Variants in SLC23A2 observed in about 807,000 individuals in gnomAD.
SLC23A2 encodes the protein Na(+)/L-ascorbic acid transporter 2.
SLC23A2 carries 36 observed loss-of-function variants against 73.3 expected under a neutral mutation model. That is an observed-to-expected ratio of 0.49 (90% confidence interval 0.38 to 0.65). The LOEUF is 0.65. Ranked by LOEUF, SLC23A2 falls within the 30% of genes least tolerant of loss-of-function variation. SLC23A2 has a pLI of 0.00. For synonymous variants in SLC23A2, 343 were observed against 327.3 expected, an observed-to-expected ratio of 1.05 and a Z score of -0.52; for missense variants, 507 against 841.6, an observed-to-expected ratio of 0.60 and a Z score of 4.92.
At chr20:4,964,009 TTA>T (rs1325202872) in intron 2 of SLC23A2, among the ~76,000 whole-genome samples, 2 of 105,636 alleles carry the variant, frequency 1.9e-5, no homozygotes, top group Non-Finnish European at 4.1e-5. Flanking sequence ...TGCCATTAAC[TTA>T]TTTTTTTTTT....
intron 6 of SLC23A2, among the ~76,000 whole-genome samples, chr20:4,894,326 G>A (rs1169664880): frequency 6.6e-6 from 1 of 152,152 alleles, no homozygotes; most frequent in East Asian, 1.9e-4. Flanking sequence ...GGCTTGGAAA[G>A]CACCAAAGCC....
chr20:4,870,301 G>A (rs989567461), intron 11 of SLC23A2, among the ~76,000 whole-genome samples: 7 of 152,166 alleles, frequency 4.6e-5, no homozygotes, highest in African/African-American at 7.2e-5. Context: ...CATCGTAGCC[G>A]GATGCGGTGG....
Position 4,853,443 on chromosome 20 carries a change from A to G in SLC23A2, c.*3529T>C, listed in dbSNP as rs1929597756. 2 of 152,666 alleles carry G rather than the reference A, an allele frequency of 1.3e-5. No individual in the cohort carries two copies. Among genetic ancestry groups the G allele is most frequent in the East Asian group, 3.8e-4 (2 of 5,206 alleles). 9.5% of individuals were successfully genotyped at this position (152,666 alleles called of 1,614,324 possible). Reference sequence around the variant, plus strand: ...GTACCAATATTTCAGCAGGGATATGAATGAAAGAAATAACAACTTAGCTCA... The same window carrying G: ...GTACCAATATTTCAGCAGGGATATGGATGAAAGAAATAACAACTTAGCTCA... On this transcript the variant is annotated 3_prime_UTR_variant, in exon 17 of 17. Coordinates refer to ENST00000338244, the MANE Select transcript of SLC23A2 (RefSeq NM_005116.6).
intron 1 of SLC23A2, among the ~76,000 whole-genome samples, chr20:4,999,221 G>A (rs1291874120): frequency 5.3e-5 from 8 of 152,126 alleles, no homozygotes; most frequent in Admixed American, 5.2e-4. Context: ...ACACTGAAGA[G>A]GACAACAATA....
chr20:4,864,908 A>G (rs6116558), intron 13 of SLC23A2, among the ~76,000 whole-genome samples: 28,060 of 152,194 alleles, frequency 0.18, 3,601 homozygotes, highest in African/African-American at 0.37. Context: ...GGATACCTGA[A>G]ACTAAATCTG....
In SLC23A2 at chr20:4,872,257, G is replaced by A. The variant is rs1342362873; in HGVS notation, c.1102+1679C>T. Among the ~76,000 whole-genome samples, 1 of 152,128 alleles carries A rather than the reference G, an allele frequency of 6.6e-6. No individual in the cohort carries two copies. The highest frequency in any genetic ancestry group is 6.5e-5 in the Admixed American group (1 of 15,282). ...CCTCTCTGGCTTGAGACAAAGCACT[G>A]GAGAGTACTACATATGTATACAGTA... On this transcript the variant is annotated intron_variant, in intron 11 of 16. Transcript: ENST00000338244. This position sits in a 1 kb window ranked among gnomAD's most constrained non-coding sequence, Gnocchi z 4.4.
At chr20:4,905,722 T>G (rs1931923890) in intron 4 of SLC23A2, among the ~76,000 whole-genome samples, 1 of 152,220 alleles carries the variant, frequency 6.6e-6, no homozygotes, top group South Asian at 2.1e-4. Flanking sequence ...AGGAAATCAT[T>G]TCTTCTGCAG....
intron 16 of SLC23A2, among the ~76,000 whole-genome samples, chr20:4,858,391 T>C (rs541924168): frequency 1.3e-5 from 2 of 152,314 alleles, no homozygotes; most frequent in South Asian, 4.1e-4. Flanking sequence ...AGCCTGACTG[T>C]TGCATCCCTC....
chr20:4,971,273 C>T (rs114776261), intron 1 of SLC23A2, among the ~76,000 whole-genome samples: 1,831 of 151,210 alleles, frequency 0.012, 33 homozygotes, highest in East Asian at 0.049. Flanking sequence ...TCGAGACCAG[C>T]CTGAGCAATA....
At chr20:4,875,616 C>T (rs534567559) in intron 9 of SLC23A2, among the ~76,000 whole-genome samples, 10 of 152,164 alleles carry the variant, frequency 6.6e-5, no homozygotes, top group Non-Finnish European at 1.3e-4. Flanking sequence ...AGGTGCTGAC[C>T]CCTCCACGGC....
At chr20:4,866,129 A>G (rs1411158373) in intron 13 of SLC23A2, among the ~76,000 whole-genome samples, 1 of 152,176 alleles carries the variant, frequency 6.6e-6, no homozygotes, top group Non-Finnish European at 1.5e-5. Flanking sequence ...CACCGTACCC[A>G]GCCAATATCC....
At chr20:4,927,371 T>C (rs1011717139) in intron 3 of SLC23A2, among the ~76,000 whole-genome samples, 1 of 152,214 alleles carries the variant, frequency 6.6e-6, no homozygotes, top group African/African-American at 2.4e-5. Context: ...TGATCCTCCC[T>C]GTCACTCATG....
chr20:4,962,848 T>G (rs1286078289), intron 2 of SLC23A2, among the ~76,000 whole-genome samples: 2 of 151,988 alleles, frequency 1.3e-5, no homozygotes, highest in Non-Finnish European at 2.9e-5. Flanking sequence ...AAATACAAAA[T>G]TAGCCGGGTG....
chr20:4,962,388 G>A (rs570848703), intron 2 of SLC23A2, among the ~76,000 whole-genome samples: 2 of 152,282 alleles, frequency 1.3e-5, no homozygotes, highest in African/African-American at 4.8e-5. Context: ...AGGTAAAAAG[G>A]ACTGGGGAGG....
At position 4,937,495 on chromosome 20, in the gene SLC23A2, C is replaced by T. The variant is rs539460898; in HGVS notation, c.-154-4779G>A. On this transcript the variant is annotated intron_variant, in intron 2 of 16. Transcript: ENST00000338244. ...CTGCAATTTTCCAGTTGCTAAGTGT[C>T]GGTGTGTGCCAGGCACTTCTCTGAC... Among the ~76,000 whole-genome samples, 11 of 152,252 alleles carry T rather than the reference C, an allele frequency of 7.2e-5. No individual in the cohort carries two copies. The South Asian group carries it at 2.3e-3, about 32-fold the overall frequency.
At chr20:4,911,003 A>G (rs1932125019) in intron 4 of SLC23A2, among the ~76,000 whole-genome samples, 1 of 152,184 alleles carries the variant, frequency 6.6e-6, no homozygotes, top group Non-Finnish European at 1.5e-5. Flanking sequence ...AATGCTCATC[A>G]CTATTTATTT....
chr20:4,882,647 T>A (rs1930936321), intron 9 of SLC23A2, among the ~76,000 whole-genome samples: 1 of 152,206 alleles, frequency 6.6e-6, no homozygotes, highest in Non-Finnish European at 1.5e-5. Flanking sequence ...ATTCACTGTA[T>A]GACTCTGGGC....
intron 1 of SLC23A2, among the ~76,000 whole-genome samples, chr20:4,974,654 C>A (rs1011697705): frequency 1.3e-5 from 2 of 151,792 alleles, no homozygotes; most frequent in African/African-American, 4.8e-5. Context: ...CTTATACTAC[C>A]CTTATATCCT....
rs760957935 is a variant in SLC23A2, at chr20:4,869,928, G to T, written c.1228C>A (p.Pro410Thr). ...ACARLSCAPP[P>T]PIHAINRGIF... ...TACCTGTTTATTGCGTGGATGGGGG[G>T]GGGTGGGGCACAGGACAGCCGTGCA... The change falls in exon 12 of 17, where the codon CCC becomes ACC. Residue 410 changes from proline (P) to threonine (T), a missense_variant. Physicochemically the swap from Pro to Thr is conservative, Grantham distance 38. Around this residue, in one of 5 missense-constraint regions of SLC23A2, gnomAD observed 27 missense variants for 18.2 expected, o/e 1.48. Coordinates refer to ENST00000338244, the MANE Select transcript of SLC23A2 (RefSeq NM_005116.6). The T allele has an allele frequency of 1.7e-5, 27 of 1,608,308 alleles. No individual in the cohort carries two copies. Among genetic ancestry groups the T allele is most frequent in the Non-Finnish European group, 2.3e-5 (27 of 1,175,100 alleles).
Sources: allele counts gnomAD v4.1 joint callset (sites outside exome capture counted in the v4.1 genomes callset), GRCh38; gene constraint gnomAD v4.1.1; regional missense constraint gnomAD v4.1.1; non-coding constraint Gnocchi (gnomAD v3.1); transcripts MANE v1.5; gene names NCBI Gene and HGNC (gene_info 2026-07-23, HGNC 2026-07-21).